PIEZO1: variants seen among roughly 807,000 people sequenced by gnomAD.
PIEZO1 encodes the protein piezo-type mechanosensitive ion channel component 1.
A neutral mutation model predicts 297.2 loss-of-function variants in PIEZO1; 296 were observed. The ratio of observed to expected loss-of-function variants is 1.00; its 90% CI spans 0.91 to 1.10. PIEZO1 has a LOEUF of 1.10. Among genes scored for constraint, PIEZO1 ranks in the 50% least tolerant of loss-of-function variants. The pLI is 0.00. For missense variants in PIEZO1, 5,018 were observed against 3,455.5 expected (o/e 1.45, Z -11.34); for synonymous variants, 2,427 against 1,507.5 (o/e 1.61, Z -14.13).
chr16:88,747,434 T>G (rs2142857979), intron 2 of PIEZO1, among the ~76,000 whole-genome samples: 1 of 152,328 alleles, frequency 6.6e-6, no homozygotes, highest in African/African-American at 2.4e-5. Flanking sequence ...GAGAATCGCT[T>G]GAACCCGCGA....
chr16:88,718,031 G>A (rs1430812199), intron 44 of PIEZO1: 1 of 317,554 alleles, frequency 3.1e-6, no homozygotes, highest in African/African-American at 2.2e-5. Flanking sequence ...TACAGTGAGT[G>A]AAGGTCATGC....
intron 1 of PIEZO1, among the ~76,000 whole-genome samples, chr16:88,754,778 G>C (rs948662102): frequency 4.1e-4 from 62 of 152,342 alleles, no homozygotes; most frequent in African/African-American, 1.5e-3. Flanking sequence ...CGCTGGCCGA[G>C]AGCAGGACGT....
chr16:88,723,778 G>T, intron 31 of PIEZO1, 93 bp downstream of exon 31: 1 of 704,094 alleles, frequency 1.4e-6, no homozygotes, highest in Non-Finnish European at 2.5e-6. Flanking sequence ...CGGCTCCCAG[G>T]CCCTGGGGGC....
chr16:88,752,619 G>A, intron 1 of PIEZO1, among the ~76,000 whole-genome samples: 1 of 152,218 alleles, frequency 6.6e-6, no homozygotes, highest in South Asian at 2.1e-4. Context: ...AGGGGCTGAG[G>A]ATGGAGATGA....
At chr16:88,728,588 G>C (rs1261608526) in intron 22 of PIEZO1, among the ~76,000 whole-genome samples, 1 of 79,494 alleles carries the variant, frequency 1.3e-5, no homozygotes, top group East Asian at 8.0e-4. Context: ...GGGAACCCAG[G>C]ACATGCTGAT....
rs1472061902 is a variant in PIEZO1, at chr16:88,738,300, G to A, written c.775C>T (p.His259Tyr). Residue 259 changes from histidine to tyrosine, a missense_variant, in exon 7 of 51, where the codon CAT becomes TAT. Transcript: ENST00000301015. ...CVAVGCFGAGHLICLYCYQMP... is the reference protein window; with the variant it reads ...CVAVGCFGAGYLICLYCYQMP... ...TGGTAGCAGTAGAGGCAGATGAGAT[G>A]GCCGGCGCCGAAGCACCCCACCGCG... The A allele has an allele frequency of 1.3e-6, 2 of 1,535,906 alleles. No individual in the cohort carries two copies. Among genetic ancestry groups the A allele is most frequent in the East Asian group, 2.4e-5 (1 of 40,922 alleles).
rs1281130038 is a variant in PIEZO1, at chr16:88,716,674, C to A, written c.6811G>T (p.Glu2271Ter). 2 of 1,549,218 alleles carry A rather than the reference C, an allele frequency of 1.3e-6. No individual in the cohort carries two copies. Among genetic ancestry groups the A allele is most frequent in the Admixed American group, 2.0e-5 (1 of 51,012 alleles). Residue 2271 changes from glutamate to a stop codon, truncating the protein, a stop_gained, in exon 47 of 51, where the codon GAG becomes TAG. Transcript: ENST00000301015. LOFTEE classifies it high-confidence loss of function. ...CGCCACAGCGCCCCGGAGCTGCCCT[C>A]AATCTGCGCCGTGACGATGTCCTCA... ...SPEDIVTAQI[E>*]GSSGALWRIS...
At chr16:88,730,531 G>A (rs1904730658) in intron 22 of PIEZO1, among the ~76,000 whole-genome samples, 1 of 151,222 alleles carries the variant, frequency 6.6e-6, no homozygotes, top group Admixed American at 6.6e-5. Flanking sequence ...CCGGGAGGCG[G>A]AGGCTGCAGT....
chr16:88,759,927 C>T (rs1567688728), intron 1 of PIEZO1, among the ~76,000 whole-genome samples: 2 of 152,128 alleles, frequency 1.3e-5, no homozygotes, highest in Non-Finnish European at 2.9e-5. Context: ...CAATGGAGGC[C>T]GAGCCCGGCC....
intron 1 of PIEZO1, among the ~76,000 whole-genome samples, chr16:88,770,847 T>C (rs1286754553): frequency 6.6e-6 from 1 of 152,188 alleles, no homozygotes; most frequent in African/African-American, 2.4e-5. Flanking sequence ...CTGGGCCTCA[T>C]GTCCTCACCT....
intron 1 of PIEZO1, among the ~76,000 whole-genome samples, chr16:88,758,774 C>G (rs1472570293): frequency 1.3e-5 from 2 of 152,202 alleles, no homozygotes; most frequent in Non-Finnish European, 2.9e-5. Flanking sequence ...GTTTGTTCGT[C>G]TATAAATCAA....
rs12445112 is a variant in PIEZO1, at chr16:88,720,711, C to G, written c.5706G>C (p.Glu1902Asp). The G allele has an allele frequency of 1.3e-6, 2 of 1,532,718 alleles. No individual in the cohort carries two copies. Among genetic ancestry groups the G allele is most frequent in the African/African-American group, 1.4e-5 (1 of 72,058 alleles). 94.9% of individuals were successfully genotyped at this position (1,532,718 alleles called of 1,614,324 possible). A position where few individuals can be genotyped will look rare whatever the true frequency, so the allele number is the denominator to read the frequency against. ...TCTCTCTCCCCGTGGGGGCCTCTTT[C>G]TCTTCCTCCCCCTCTTCTTCCTCCC... Reference protein sequence around the residue: ...EDREEEEGEEEKEAPTGREKR... With the variant: ...EDREEEEGEEDKEAPTGREKR... The change falls in exon 40 of 51, where the codon GAG becomes GAC. Residue 1902 changes from glutamate (E) to aspartate (D), a missense_variant. Coordinates refer to ENST00000301015, the MANE Select transcript of PIEZO1 (RefSeq NM_001142864.4).
In PIEZO1 at chr16:88,733,626, G is replaced by A. The variant is rs1048314003; in HGVS notation, c.2449C>T (p.Leu817=). The change falls in exon 18 of 51, where the codon CTG becomes TTG. Residue 817 remains leucine, a synonymous_variant. Coordinates refer to ENST00000301015, the MANE Select transcript of PIEZO1 (RefSeq NM_001142864.4). ...ACCCAGACGGTGTACAGGGCCACCAGCTTGAAAACGTGAAGCTCCAGCAGC... is the reference window on the plus strand; with the variant it reads ...ACCCAGACGGTGTACAGGGCCACCAACTTGAAAACGTGAAGCTCCAGCAGC... ...RRLLELHVFK[L]VALYTVWVAL... 1 of 1,549,546 alleles carries A rather than the reference G, an allele frequency of 6.5e-7. No individual in the cohort carries two copies. Among genetic ancestry groups the A allele is most frequent in the Non-Finnish European group, 8.7e-7 (1 of 1,146,446 alleles).
chr16:88,743,195 G>C (rs1166498223), intron 2 of PIEZO1: 1 of 456,230 alleles, frequency 2.2e-6, no homozygotes, highest in Non-Finnish European at 4.4e-6. Flanking sequence ...GGCAGGGGCT[G>C]GGCGGGCGCA....
chr16:88,734,097 G>T (rs746494364), intron 16 of PIEZO1, 43 bp from the exon 17 acceptor site: 11 of 1,472,560 alleles, frequency 7.5e-6, no homozygotes, highest in African/African-American at 1.4e-5. Flanking sequence ...CTGGGTTCCT[G>T]CCCCTCATTT....
chr16:88,773,639 T>G (rs912087054), intron 1 of PIEZO1, among the ~76,000 whole-genome samples: 1 of 148,204 alleles, frequency 6.7e-6, no homozygotes, highest in Non-Finnish European at 1.5e-5. Context: ...CAGCTGCCTA[T>G]TGGGTGACAG....
chr16:88,750,300 C>T (rs1488352516), intron 1 of PIEZO1, among the ~76,000 whole-genome samples: 3 of 152,228 alleles, frequency 2.0e-5, no homozygotes, highest in African/African-American at 7.2e-5. Flanking sequence ...TGAGCCACTG[C>T]ACTCCAGCCT....
chr16:88,753,304 C>G (rs12924416), intron 1 of PIEZO1, among the ~76,000 whole-genome samples: 1 of 72,924 alleles, frequency 1.4e-5, no homozygotes, highest in Middle Eastern at 7.8e-3. Flanking sequence ...CGGCCCCCCG[C>G]AGCACACCTC....
chr16:88,723,045 C>T, intron 33 of PIEZO1, 36 bp from the exon 34 acceptor site: 2 of 1,543,688 alleles, frequency 1.3e-6, no homozygotes, highest in South Asian at 1.2e-5. Flanking sequence ...GGAGGGGCAG[C>T]CTGTGGGGCC....
Sources: gnomAD v4.1 joint callset for allele counts (sites outside exome capture counted in the v4.1 genomes callset) on GRCh38, gnomAD v4.1.1 for gene constraint, MANE v1.5 for transcripts, NCBI Gene and HGNC (gene_info 2026-07-23, HGNC 2026-07-21) for gene names.